The following IL1RAPL1 variants were observed in gnomAD, a reference collection of about 807,000 sequenced individuals.
IL1RAPL1 encodes the protein interleukin 1 receptor accessory protein like 1.
A neutral mutation model predicts 48.4 loss-of-function variants in IL1RAPL1; 3 were observed. That is an observed-to-expected ratio of 0.06 (90% CI 0.03 to 0.16). The LOEUF is 0.16. IL1RAPL1 is among the 10% of genes least tolerant of loss of function. The pLI is 1.00. For missense variants in IL1RAPL1, 349 were observed against 530.6 expected (o/e 0.66, Z 3.36); for synonymous variants, 185 against 187.7 (o/e 0.99, Z 0.12).
At chrX:29,465,131 G>A (rs1477081121) in intron 5 of IL1RAPL1, among the ~76,000 whole-genome samples, 5 of 111,796 alleles carry the variant, frequency 4.5e-5, no homozygotes, top group Non-Finnish European at 9.4e-5. Flanking sequence ...TAGTCTGGGA[G>A]TAGTGGCTTA....
chrX:29,250,431 GA>G (rs1931585334), intron 2 of IL1RAPL1, among the ~76,000 whole-genome samples: 1 of 110,952 alleles, frequency 9.0e-6, no homozygotes, highest in South Asian at 3.8e-4. Flanking sequence ...TATGGCTTGT[GA>G]AGATTTCCGA....
chrX:29,327,703 C>T (rs1300465241), intron 3 of IL1RAPL1, among the ~76,000 whole-genome samples: 1 of 107,289 alleles, frequency 9.3e-6, no homozygotes, highest in African/African-American at 3.4e-5. Flanking sequence ...TTATTTAGCA[C>T]TAACATACTC....
intron 6 of IL1RAPL1, among the ~76,000 whole-genome samples, chrX:29,687,422 TCTCA>T (rs1457494872): frequency 8.9e-6 from 1 of 111,831 alleles, no homozygotes; most frequent in Non-Finnish European, 1.9e-5. Context: ...CACCGCATGA[TCTCA>T]CTCACACGTG....
chrX:28,959,064 A>G (rs1192574104), intron 2 of IL1RAPL1, among the ~76,000 whole-genome samples: 2 of 111,500 alleles, frequency 1.8e-5, no homozygotes, highest in Non-Finnish European at 3.8e-5. Context: ...TATTTTAACT[A>G]TAAAGAAATG....
intron 6 of IL1RAPL1, among the ~76,000 whole-genome samples, chrX:29,797,348 A>G (rs1929766781): frequency 8.9e-6 from 1 of 112,073 alleles, no homozygotes; most frequent in Admixed American, 9.5e-5. Flanking sequence ...GGTCCTTGGT[A>G]TCTTGCTGAC....
intron 2 of IL1RAPL1, among the ~76,000 whole-genome samples, chrX:29,176,708 T>C (rs754311111): frequency 9.0e-6 from 1 of 110,852 alleles, no homozygotes; most frequent in South Asian, 3.9e-4. Flanking sequence ...TACAATTCTG[T>C]TTGTGGTGAA....
chrX:28,672,049 G>GC (rs1042201025), intron 1 of IL1RAPL1, among the ~76,000 whole-genome samples: 2 of 111,736 alleles, frequency 1.8e-5, no homozygotes, highest in African/African-American at 6.5e-5. Flanking sequence ...ATCTCTACAG[G>GC]CTTAAATATC....
At chrX:28,854,113 G>A (rs1368058292) in intron 2 of IL1RAPL1, among the ~76,000 whole-genome samples, 1 of 111,703 alleles carries the variant, frequency 9.0e-6, no homozygotes, top group Admixed American at 9.5e-5. Flanking sequence ...CCTTACCAAG[G>A]AATACTGATT....
intron 1 of IL1RAPL1, among the ~76,000 whole-genome samples, chrX:28,765,368 T>C (rs777813055): frequency 5.4e-5 from 6 of 111,540 alleles, no homozygotes; most frequent in Admixed American, 4.8e-4. Flanking sequence ...CATGGGCTAT[T>C]GTTTGCTTAC....
At chrX:28,711,990 C>T (rs780530854) in intron 1 of IL1RAPL1, among the ~76,000 whole-genome samples, 1 of 110,839 alleles carries the variant, frequency 9.0e-6, no homozygotes, top group East Asian at 2.8e-4. Context: ...GCAGGGCGAA[C>T]TTTCATCGCA....
chrX:28,975,256 TC>T (rs1925176156), intron 2 of IL1RAPL1, among the ~76,000 whole-genome samples: 1 of 111,997 alleles, frequency 8.9e-6, no homozygotes, highest in African/African-American at 3.2e-5. Flanking sequence ...CCCTGCCCCT[TC>T]TGCAACTCTT....
chrX:28,904,641 T>C (rs1352192174), intron 2 of IL1RAPL1, among the ~76,000 whole-genome samples: 1 of 112,202 alleles, frequency 8.9e-6, no homozygotes, highest in African/African-American at 3.2e-5. Flanking sequence ...TTGTTAGATC[T>C]GTAAGGATCC....
intron 1 of IL1RAPL1, among the ~76,000 whole-genome samples, chrX:28,777,623 G>T (rs1936374239): frequency 9.0e-6 from 1 of 111,309 alleles, no homozygotes; most frequent in African/African-American, 3.3e-5. Flanking sequence ...GTAACGCTGG[G>T]GTGACTATGG....
Position 29,721,921 on chromosome X carries a change from ACT to A in IL1RAPL1, c.778+53420_778+53421del, listed in dbSNP as rs373304999. On this transcript the variant is annotated intron_variant, in intron 6 of 10. Coordinates refer to ENST00000378993, the MANE Select transcript of IL1RAPL1 (RefSeq NM_014271.4). ...GAATGCTTATCCATGTTTTTTAATCACTCTGTTTTAAATCTGACTTTCAGTTG... is the reference window on the plus strand; with the variant it reads ...GAATGCTTATCCATGTTTTTTAATCACTGTTTTAAATCTGACTTTCAGTTG... 1.6e-3 allele frequency among the ~76,000 whole-genome samples: 183 copies of A among 111,915 alleles called. 2 individuals are homozygous for A. Among genetic ancestry groups the A allele is most frequent in the African/African-American group, 5.6e-3 (173 of 30,883 alleles).
intron 8 of IL1RAPL1, among the ~76,000 whole-genome samples, chrX:29,935,682 CATTTT>C (rs1437413216): frequency 9.0e-6 from 1 of 111,536 alleles, no homozygotes; most frequent in Non-Finnish European, 1.9e-5. Context: ...TCTAGCCTTT[CATTTT>C]ATTTTTCACT....
At chrX:28,878,667 TAA>T (rs1424005365) in intron 2 of IL1RAPL1, among the ~76,000 whole-genome samples, 2 of 111,829 alleles carry the variant, frequency 1.8e-5, no homozygotes, top group Non-Finnish European at 3.8e-5. Context: ...GAGTCTTATC[TAA>T]GTCATACAGG....
intron 1 of IL1RAPL1, among the ~76,000 whole-genome samples, chrX:28,622,208 G>A (rs779919414): frequency 1.3e-4 from 15 of 111,796 alleles, no homozygotes; most frequent in Admixed American, 1.3e-3. Flanking sequence ...TGATTTTGAT[G>A]ATCTAGAATA....
At chrX:28,695,489 A>T (rs1697330589) in intron 1 of IL1RAPL1, among the ~76,000 whole-genome samples, 1 of 111,863 alleles carries the variant, frequency 8.9e-6, no homozygotes, top group Admixed American at 9.6e-5. Context: ...TTAACTTTGC[A>T]CTGTAAGTTG....
intron 1 of IL1RAPL1, among the ~76,000 whole-genome samples, chrX:28,600,305 G>GTA (rs756498805): frequency 8.9e-6 from 1 of 112,006 alleles, no homozygotes; most frequent in African/African-American, 3.2e-5. Flanking sequence ...TCTCAGGAAT[G>GTA]TAGTTCAAGT....
Sources: allele counts gnomAD v4.1 joint callset (sites outside exome capture counted in the v4.1 genomes callset), GRCh38; gene constraint gnomAD v4.1.1; transcripts MANE v1.5; gene names NCBI Gene and HGNC (gene_info 2026-07-23, HGNC 2026-07-21).